The following SLC38A6 variants were observed in gnomAD, a reference collection of about 807,000 sequenced individuals.
SLC38A6 encodes N system amino acid transporter NAT-1.
SLC38A6 carries 73 observed loss-of-function variants against 65.0 expected under a neutral mutation model. That is an observed-to-expected ratio of 1.12 (90% CI 0.93 to 1.37). The LOEUF is 1.37. Among genes scored for constraint, SLC38A6 ranks in the 40% most tolerant of loss-of-function variants. The pLI is 0.00. For missense variants in SLC38A6, 561 were observed against 531.1 expected (o/e 1.06, Z -0.55); for synonymous variants, 183 against 178.8 (o/e 1.02, Z -0.19).
At chr14:61,075,624 A>G (rs888162683) in intron 15 of SLC38A6, among the ~76,000 whole-genome samples, 6 of 152,256 alleles carry the variant, frequency 3.9e-5, no homozygotes, top group African/African-American at 1.4e-4. Context: ...TTTTAGAGAC[A>G]AGAGACCAGA....
intron 8 of SLC38A6, among the ~76,000 whole-genome samples, chr14:61,039,847 A>C (rs1159677193): frequency 6.6e-6 from 1 of 152,086 alleles, no homozygotes; most frequent in Non-Finnish European, 1.5e-5. Flanking sequence ...TTTAAAAATC[A>C]GTTCAGGAAC....
intron 12 of SLC38A6, among the ~76,000 whole-genome samples, chr14:61,047,974 GATACATACATACATAC>G (rs201975441): frequency 0.093 from 7,153 of 77,066 alleles, 246 homozygotes; most frequent in East Asian, 0.15. Context: ...TAGATAGATA[GATACATACATACATAC>G]ATACATACAT....
chr14:61,030,343 G>T, intron 5 of SLC38A6, 102 bp from the exon 6 acceptor site: 2 of 705,662 alleles, frequency 2.8e-6, no homozygotes, highest in South Asian at 1.8e-5. Flanking sequence ...TCTTCCATAT[G>T]TTGTCATAGC....
intron 16 of SLC38A6, chr14:61,083,449 C>T: frequency 6.9e-7 from 1 of 1,457,020 alleles, no homozygotes; most frequent in East Asian, 2.5e-5. Context: ...TCCCCAGGAC[C>T]TCAGAATGCA....
intron 15 of SLC38A6, among the ~76,000 whole-genome samples, chr14:61,066,293 A>G (rs945548595): frequency 6.6e-6 from 1 of 152,184 alleles, no homozygotes; most frequent in African/African-American, 2.4e-5. Flanking sequence ...TTGCAATCAG[A>G]ATCCTTTCTG....
chr14:61,013,002 T>G (rs1251923296), intron 3 of SLC38A6, among the ~76,000 whole-genome samples: 1 of 152,152 alleles, frequency 6.6e-6, no homozygotes, highest in Non-Finnish European at 1.5e-5. Flanking sequence ...TCTCCCATTA[T>G]TATTGTGTGG....
intron 3 of SLC38A6, among the ~76,000 whole-genome samples, chr14:60,986,593 G>A (rs1275702582): frequency 6.6e-6 from 1 of 152,158 alleles, no homozygotes; most frequent in Non-Finnish European, 1.5e-5. Context: ...TAAAGTAACA[G>A]GTTGTTCATA....
chr14:61,031,101 C>G (rs2040959364), intron 6 of SLC38A6: 1 of 152,088 alleles, frequency 6.6e-6, no homozygotes, highest in South Asian at 2.1e-4. Context: ...TACATTGTAT[C>G]TCTTTTATCT....
chr14:61,072,406 T>C (rs1168441493), intron 15 of SLC38A6, among the ~76,000 whole-genome samples: 1 of 152,216 alleles, frequency 6.6e-6, no homozygotes, highest in Admixed American at 6.5e-5. Flanking sequence ...TAGTTATTTT[T>C]AAATGTGCGA....
intron 2 of SLC38A6, among the ~76,000 whole-genome samples, chr14:60,984,001 G>A (rs2037272073): frequency 6.6e-6 from 1 of 152,122 alleles, no homozygotes; most frequent in Non-Finnish European, 1.5e-5. Context: ...ACCACAGAGA[G>A]AAAATTTCTT....
Position 61,052,431 on chromosome 14 carries a change from A to G in SLC38A6, c.*2A>G. On this transcript the variant is annotated 3_prime_UTR_variant, in exon 16 of 16. Transcript: ENST00000267488. The stretch of plus-strand genomic sequence containing the variant: ...ATTTTTGATTGGATTAATAAATAAA[A>G]GAAATATTTTCCTACTTCTTACAAG... 2 of 1,559,564 alleles carry G rather than the reference A, an allele frequency of 1.3e-6. No individual in the cohort carries two copies. Among genetic ancestry groups the G allele is most frequent in the South Asian group, 2.5e-5 (2 of 79,432 alleles).
chr14:61,022,314 T>C (rs1025207900), intron 5 of SLC38A6, among the ~76,000 whole-genome samples: 4 of 151,984 alleles, frequency 2.6e-5, no homozygotes, highest in Non-Finnish European at 5.9e-5. Flanking sequence ...CTTTAGAACC[T>C]CCTCTTAGGT....
rs746479490 is a variant in SLC38A6, at chr14:61,037,117, C to T, written c.541C>T (p.Pro181Ser). The change falls in exon 7 of 16, where the codon CCT (proline) becomes TCT (serine). Residue 181 changes from proline (P) to serine (S), a missense_variant. Coordinates refer to ENST00000267488, the MANE Select transcript of SLC38A6 (RefSeq NM_153811.3). The part of the protein sequence containing the change: ...LIIICVGIVF[P>S]LALLPKIGFL... ...AATCATATGTGTTGGCATTGTGTTC[C>T]CTCTTGCACTTCTTCCCAAAATAGG... 9 of 1,603,866 alleles carry T rather than the reference C, an allele frequency of 5.6e-6. No homozygotes were observed. The Admixed American group carries it at 8.5e-5, about 15-fold the overall frequency.
At chr14:61,032,698 A>G (rs1377873085) in intron 6 of SLC38A6, among the ~76,000 whole-genome samples, 3 of 151,860 alleles carry the variant, frequency 2.0e-5, no homozygotes, top group Non-Finnish European at 3.0e-5. Context: ...AATGCAGATA[A>G]ATCATTAGTC....
At chr14:61,014,079 A>G (rs1288202065) in intron 3 of SLC38A6, among the ~76,000 whole-genome samples, 2 of 151,926 alleles carry the variant, frequency 1.3e-5, no homozygotes, top group Non-Finnish European at 1.5e-5. Context: ...GGCTTTGTTC[A>G]TTTCTTTTTA....
Position 61,049,994 on chromosome 14 carries a change from A to T in SLC38A6, c.926-518A>T, listed in dbSNP as rs576782416. On this transcript the variant is annotated intron_variant, in intron 12 of 15. Transcript: ENST00000267488. ...CATAAAACATGAATCCACAGATGAA[A>T]CGTAACATGCACCAAGCTCTGAGAT... 1.4e-4 allele frequency among the ~76,000 whole-genome samples: 22 copies of T among 152,288 alleles called. No homozygotes were observed. The South Asian group carries it at 4.6e-3, about 32-fold the overall frequency.
At chr14:61,015,979 G>T (rs1294195081) in intron 4 of SLC38A6, 23 bp downstream of exon 4, 2 of 1,590,636 alleles carry the variant, frequency 1.3e-6, no homozygotes, top group Non-Finnish European at 1.7e-6. Flanking sequence ...CCTCCTCATT[G>T]TGTCCAAAAC....
intron 2 of SLC38A6, 55 bp from the exon 3 acceptor site, chr14:60,984,675 C>A: frequency 6.8e-7 from 1 of 1,481,330 alleles, no homozygotes; most frequent in African/African-American, 1.4e-5. Flanking sequence ...AATGAGACAC[C>A]ATACAAAAGA....
At chr14:61,075,797 GT>G (rs2043386776) in intron 15 of SLC38A6, among the ~76,000 whole-genome samples, 2 of 149,024 alleles carry the variant, frequency 1.3e-5, no homozygotes, top group African/African-American at 4.9e-5. Flanking sequence ...GTGTGTGTGT[GT>G]GTGTGTGTGT....
Sources: gnomAD v4.1 joint callset for allele counts (sites outside exome capture counted in the v4.1 genomes callset) on GRCh38, gnomAD v4.1.1 for gene constraint, MANE v1.5 for transcripts, NCBI Gene and HGNC (gene_info 2026-07-23, HGNC 2026-07-21) for gene names.